EBF1: variants seen among roughly 807,000 people sequenced by gnomAD.
The protein encoded by EBF1 is EBF transcription factor 1, also known as transcription factor COE1.
EBF1 carries 10 observed loss-of-function variants against 68.4 expected under a neutral mutation model. That is an observed-to-expected ratio of 0.15 (90% confidence interval 0.09 to 0.25). The LOEUF (loss-of-function observed/expected upper bound fraction) is 0.25, where lower values mean the gene tolerates loss of function less well. Among genes scored for constraint, EBF1 ranks in the 10% least tolerant of loss-of-function variants. EBF1 has a pLI of 1.00. For synonymous variants in EBF1, 298 were observed against 299.8 expected (o/e 0.99, Z 0.06); for missense variants, 509 against 794.4 (o/e 0.64, Z 4.32).
chr5:158,940,234 G>A (rs1267534202), intron 6 of EBF1, among the ~76,000 whole-genome samples: 3 of 152,222 alleles, frequency 2.0e-5, no homozygotes, highest in Non-Finnish European at 4.4e-5. Context: ...GAAGAGGACT[G>A]AACAACTTGG....
chr5:158,912,574 G>C (rs1806241421), intron 6 of EBF1, among the ~76,000 whole-genome samples: 1 of 152,170 alleles, frequency 6.6e-6, no homozygotes, highest in East Asian at 1.9e-4. Context: ...ACAAGGGCCT[G>C]GAGATGTGTA....
intron 4 of EBF1, among the ~76,000 whole-genome samples, chr5:159,086,631 CAG>C (rs1459478795): frequency 1.3e-5 from 2 of 152,130 alleles, no homozygotes; most frequent in Non-Finnish European, 2.9e-5. Flanking sequence ...GAGTTCTTCT[CAG>C]TGTATCAAAT....
chr5:158,814,780 T>G (rs1403675806), intron 8 of EBF1, among the ~76,000 whole-genome samples: 1 of 152,122 alleles, frequency 6.6e-6, no homozygotes, highest in Non-Finnish European at 1.5e-5. Context: ...AATAAAATAT[T>G]ACCAGCATCC....
chr5:159,015,619 G>C (rs1765478202), intron 6 of EBF1, among the ~76,000 whole-genome samples: 1 of 152,138 alleles, frequency 6.6e-6, no homozygotes, highest in Non-Finnish European at 1.5e-5. Context: ...CCAGACCTCT[G>C]CTCCTTAACT....
chr5:158,874,680 A>G (rs937258032), intron 6 of EBF1, among the ~76,000 whole-genome samples: 19 of 152,140 alleles, frequency 1.2e-4, no homozygotes, highest in Non-Finnish European at 2.1e-4. Flanking sequence ...CATCTCAGCC[A>G]CATCTTGATT....
chr5:159,079,089 A>G (rs963437689), intron 5 of EBF1, among the ~76,000 whole-genome samples: 1 of 152,194 alleles, frequency 6.6e-6, no homozygotes, highest in Non-Finnish European at 1.5e-5. Flanking sequence ...AGTCTTATTA[A>G]TAGTTATAAA....
chr5:158,965,207 T>C (rs1406542040), intron 6 of EBF1, among the ~76,000 whole-genome samples: 3 of 152,210 alleles, frequency 2.0e-5, no homozygotes, highest in Non-Finnish European at 2.9e-5. Context: ...CACCTCCATA[T>C]TATACGGTGG....
intron 6 of EBF1, among the ~76,000 whole-genome samples, chr5:158,842,560 A>G (rs991742972): frequency 2.6e-5 from 4 of 152,238 alleles, no homozygotes; most frequent in African/African-American, 9.6e-5. Context: ...GTGACTTTGG[A>G]TAAGGAGCTG....
rs1554106607 is a variant in EBF1, at chr5:158,714,209, C to T, written c.1126-27G>A. On this transcript the variant is annotated intron_variant, in intron 11 of 15. Coordinates refer to ENST00000313708, the MANE Select transcript of EBF1 (RefSeq NM_024007.5). ...TGTCAAGAGAAAAGCAGATACAATC[C>T]TTTGAGTGAAGGCAGGTTGTCGTTA... The T allele has an allele frequency of 1.9e-6, 3 of 1,613,396 alleles. No individual in the cohort carries two copies. In the South Asian group the frequency reaches 3.3e-5, roughly 18 times the overall value.
At chr5:158,848,698 G>A (rs1374985655) in intron 6 of EBF1, among the ~76,000 whole-genome samples, 1 of 152,230 alleles carries the variant, frequency 6.6e-6, no homozygotes, top group Non-Finnish European at 1.5e-5. Flanking sequence ...GCCAGGGGTT[G>A]AAAATGAAAG....
At chr5:158,977,415 A>G (rs1017585922) in intron 6 of EBF1, among the ~76,000 whole-genome samples, 17 of 152,242 alleles carry the variant, frequency 1.1e-4, no homozygotes, top group Admixed American at 3.3e-4. Flanking sequence ...GACACTTAAT[A>G]CGGTTTCTTT....
chr5:158,874,460 T>C (rs1261471544), intron 6 of EBF1, among the ~76,000 whole-genome samples: 1 of 152,178 alleles, frequency 6.6e-6, no homozygotes. Context: ...AGACTCAGTA[T>C]TTAATTAGGG....
chr5:159,092,907 G>A (rs1781914965), intron 4 of EBF1, among the ~76,000 whole-genome samples: 1 of 152,030 alleles, frequency 6.6e-6, no homozygotes, highest in Non-Finnish European at 1.5e-5. Flanking sequence ...AAAAAAAAAT[G>A]TAATCATTTA....
At chr5:158,701,812 T>C (rs772547291) in intron 15 of EBF1, among the ~76,000 whole-genome samples, 2 of 152,058 alleles carry the variant, frequency 1.3e-5, no homozygotes, top group Non-Finnish European at 2.9e-5. Flanking sequence ...AGGGGGTGGG[T>C]TTGGCCCACT....
chr5:158,896,061 G>T (rs74896336), intron 6 of EBF1, among the ~76,000 whole-genome samples: 3,577 of 152,176 alleles, frequency 0.024, 135 homozygotes, highest in African/African-American at 0.082. Context: ...ACAAGGAAAG[G>T]TTCTTTAGCT....
chr5:158,864,223 CAAAAAAAAAAA>C (rs34498854), intron 6 of EBF1, among the ~76,000 whole-genome samples: 18,537 of 58,744 alleles, frequency 0.32, 1,368 homozygotes, highest in East Asian at 0.37. Flanking sequence ...GACTCTGTCT[CAAAAAAAAAAA>C]AAAAAAAAAA....
intron 6 of EBF1, among the ~76,000 whole-genome samples, chr5:159,030,374 C>T (rs1584088300): frequency 6.6e-6 from 1 of 152,084 alleles, no homozygotes; most frequent in East Asian, 1.9e-4. Context: ...ATCTCTACAT[C>T]CCAGCATAAG....
chr5:158,887,427 T>C (rs1056101404), intron 6 of EBF1, among the ~76,000 whole-genome samples: 4 of 152,196 alleles, frequency 2.6e-5, no homozygotes, highest in East Asian at 3.8e-4. Flanking sequence ...GAAACAGCCA[T>C]TGTAGAAAAC....
chr5:158,922,226 C>T (rs1002614042), intron 6 of EBF1, among the ~76,000 whole-genome samples: 1 of 152,240 alleles, frequency 6.6e-6, no homozygotes, highest in African/African-American at 2.4e-5. Context: ...TGTGCAGTAA[C>T]AGAGGTCACA....
Sources: allele counts gnomAD v4.1 joint callset (sites outside exome capture counted in the v4.1 genomes callset), GRCh38; gene constraint gnomAD v4.1.1; transcripts MANE v1.5; gene names NCBI Gene and HGNC (gene_info 2026-07-23, HGNC 2026-07-21).